The following UTF1 variants were observed in gnomAD, a reference collection of about 807,000 sequenced individuals.
UTF1 encodes undifferentiated embryonic cell transcription factor 1.
Under a neutral mutation model 11.8 loss-of-function variants are expected in UTF1, and 8 were observed. The observed-to-expected ratio is 0.68, with a 90% confidence interval of 0.40 to 1.23. UTF1 has a LOEUF of 1.23. Ranked by LOEUF, UTF1 falls within the 50% of genes most tolerant of loss-of-function variation. UTF1 has a pLI of 0.01. For synonymous variants in UTF1, 344 were observed against 271.7 expected (o/e 1.27, Z -2.62); for missense variants, 545 against 542.1 (o/e 1.01, Z -0.05).
intron 1 of UTF1, 31 bp from the exon 2 acceptor site, chr10:133,230,936 A>C (rs1431818948): frequency 7.7e-7 from 1 of 1,293,132 alleles, no homozygotes; most frequent in East Asian, 3.2e-5. Context: ...CCCCGCGAAA[A>C]TCCGCCCGAC....
rs1845800679 is a variant in UTF1, at chr10:133,231,543, G to C, written c.*101G>C. 6 of 1,037,170 alleles carry C rather than the reference G, an allele frequency of 5.8e-6. No individual in the cohort carries two copies. In the South Asian group the frequency reaches 1.1e-4, roughly 19 times the overall value. 64.2% of individuals were successfully genotyped at this position (1,037,170 alleles called of 1,614,324 possible). On this transcript the variant is annotated 3_prime_UTR_variant, in exon 2 of 2. Transcript: ENST00000304477. ...CCGTTCTTGGGTATGTTCAATAAAA[G>C]GATTGTTTTCCTAGAGTCCGGGCTG...
Position 133,230,551 on chromosome 10 carries a change from G to C in UTF1, c.263G>C (p.Arg88Pro). 1.4e-6 allele frequency: 2 copies of C among 1,427,552 alleles called. No individual in the cohort carries two copies. Among genetic ancestry groups the C allele is most frequent in the Non-Finnish European group, 1.8e-6 (2 of 1,093,212 alleles). 88.4% of individuals were successfully genotyped at this position (1,427,552 alleles called of 1,614,324 possible). A position where few individuals can be genotyped will look rare whatever the true frequency, so the allele number is the denominator to read the frequency against. The change falls in exon 1 of 2, where the codon CGC becomes CCC. Residue 88 changes from arginine to proline, a missense_variant. Physicochemically the swap from Arg to Pro is moderately radical, Grantham distance 103. Around this residue, in one of 3 missense-constraint regions of UTF1, gnomAD observed 129 missense variants for 148.5 expected, o/e 0.87. Coordinates refer to ENST00000304477, the MANE Select transcript of UTF1 (RefSeq NM_003577.3). ...PAVWRALLLD[R>P]RQALPTYRRV... Reference sequence around the variant, plus strand: ...GTGTGGCGCGCGCTGCTCCTGGACCGCCGCCAGGCCCTGCCCACCTACCGC... The same window carrying C: ...GTGTGGCGCGCGCTGCTCCTGGACCCCCGCCAGGCCCTGCCCACCTACCGC...
Position 133,230,303 on chromosome 10 carries a change from C to T in UTF1, c.15C>T (p.Pro5=), listed in dbSNP as rs1397127554. MLLR[P]RRPPPLAPPA... is the part of the protein sequence containing the mutation. ...CCAGCCCCGGGATGCTGCTCCGGCC[C>T]CGCAGGCCGCCCCCGCTCGCGCCCC... Residue 5 remains proline (P), a synonymous_variant, in exon 1 of 2, where the codon CCC becomes CCT. Transcript: ENST00000304477. 11 of 1,073,192 alleles carry T rather than the reference C, an allele frequency of 1.0e-5. No homozygotes were observed. Among genetic ancestry groups the T allele is most frequent in the Non-Finnish European group, 1.2e-5 (11 of 889,226 alleles). The allele number at this position is 1,073,192 out of a possible 1,614,324, so 66.5% of individuals were successfully genotyped here.
At position 133,230,271 on chromosome 10, in the gene UTF1, C is replaced by G. The variant is rs1198150852; in HGVS notation, c.-18C>G. 1 of 1,046,794 alleles carries G rather than the reference C, an allele frequency of 9.6e-7. No homozygotes were observed. The highest frequency in any genetic ancestry group is 1.1e-6 in the Non-Finnish European group (1 of 871,684). The allele number at this position is 1,046,794 out of a possible 1,614,324, so 64.8% of individuals were successfully genotyped here. On this transcript the variant is annotated 5_prime_UTR_variant, in exon 1 of 2. Coordinates refer to ENST00000304477, the MANE Select transcript of UTF1 (RefSeq NM_003577.3). The stretch of plus-strand genomic sequence containing the variant: ...CTGGCCCTCTCCCCATCCTCGCGCG[C>G]CGCGCCCCAGCCCCGGGATGCTGCT...
Position 133,231,478 on chromosome 10 carries a change from A to C in UTF1, c.*36A>C. The C allele has an allele frequency of 7.2e-7, 1 of 1,395,366 alleles. No homozygotes were observed. Among genetic ancestry groups the C allele is most frequent in the Non-Finnish European group, 9.3e-7 (1 of 1,070,066 alleles). 86.4% of individuals were successfully genotyped at this position (1,395,366 alleles called of 1,614,324 possible). ...CGGCCAGTCTCCCCTCTCCAGGCCG[A>C]GGCCCCTCCGCCCTGACCCCTCCTG... is the stretch of plus-strand genomic sequence containing the variant. On this transcript the variant is annotated 3_prime_UTR_variant, in exon 2 of 2. Coordinates refer to ENST00000304477, the MANE Select transcript of UTF1 (RefSeq NM_003577.3).
chr10:133,231,407 G>C lies in UTF1; in HGVS notation c.991G>C (p.Ala331Pro), dbSNP rs1458552808. ...AVGFILGSAA[A>P]ERGVLRDPCQ ...GGGCTTCATTCTGGGCAGCGCGGCC[G>C]CCGAGCGAGGGGTCCTCAGGGACCC... Residue 331 changes from alanine to proline, a missense_variant, in exon 2 of 2, where the codon GCC becomes CCC. By Grantham distance (27) the Ala-to-Pro change is conservative. This residue lies in a region of UTF1 where 394 missense variants were observed against 341.5 expected (regional missense o/e 1.15). Coordinates refer to ENST00000304477, the MANE Select transcript of UTF1 (RefSeq NM_003577.3). 1.9e-6 allele frequency: 3 copies of C among 1,544,728 alleles called. No homozygotes were observed. Among genetic ancestry groups the C allele is most frequent in the African/African-American group, 1.4e-5 (1 of 72,294 alleles).
Position 133,231,253 on chromosome 10 carries a change from G to A in UTF1, c.837G>A (p.Leu279=). Residue 279 remains leucine, a synonymous_variant, in exon 2 of 2, where the codon CTG becomes CTA. Coordinates refer to ENST00000304477, the MANE Select transcript of UTF1 (RefSeq NM_003577.3). The stretch of plus-strand genomic sequence containing the variant: ...CGCCCCCGTCGCTGAACACCGCCCT[G>A]CTGCAGACCCTGGGGCACCTGGGCG... ...PAAPPSLNTA[L]LQTLGHLGDI... 1.9e-6 allele frequency: 3 copies of A among 1,571,980 alleles called. No homozygotes were observed. The highest frequency in any genetic ancestry group is 2.6e-6 in the Non-Finnish European group (3 of 1,164,102).
In UTF1 at chr10:133,231,325, G is replaced by A. The variant is rs1845797183; in HGVS notation, c.909G>A (p.Leu303=). The part of the protein sequence containing the change: ...LGPLRDQLLT[L]NQHVEQLRGA... ...CGCTGCGCGACCAGCTGCTGACCTTGAACCAGCACGTGGAGCAGCTGCGCG... is the reference window on the plus strand; with the variant it reads ...CGCTGCGCGACCAGCTGCTGACCTTAAACCAGCACGTGGAGCAGCTGCGCG... Residue 303 remains leucine (L), a synonymous_variant, in exon 2 of 2, where the codon TTG becomes TTA. Transcript: ENST00000304477. 3.1e-6 allele frequency: 5 copies of A among 1,598,598 alleles called. No homozygotes were observed. The highest frequency in any genetic ancestry group is 3.4e-5 in the Admixed American group (2 of 59,062).
Position 133,230,715 on chromosome 10 carries a change from C to G in UTF1, c.427C>G (p.Leu143Val). 2 of 1,462,082 alleles carry G rather than the reference C, an allele frequency of 1.4e-6. 1 individual carries two copies. The allele number at this position is 1,462,082 out of a possible 1,614,324, so 90.6% of individuals were successfully genotyped here. ...PGPFDEQIRKLMGLLGDNGRK... is the reference protein window; with the variant it reads ...PGPFDEQIRKVMGLLGDNGRK... The stretch of plus-strand genomic sequence containing the variant: ...GCCCTTCGACGAGCAGATCCGGAAG[C>G]TCATGGGGCTGCTGGGCGACAACGG... The change falls in exon 1 of 2, where the codon CTC (leucine) becomes GTC (valine). Residue 143 changes from leucine (L) to valine (V), a missense_variant. Coordinates refer to ENST00000304477, the MANE Select transcript of UTF1 (RefSeq NM_003577.3).
In UTF1 at chr10:133,230,425, T is replaced by TG; in HGVS notation, c.142dup (p.Glu48GlyfsTer75). The TG allele has an allele frequency of 1.5e-6, 2 of 1,373,376 alleles. No homozygotes were observed. Among genetic ancestry groups the TG allele is most frequent in the Non-Finnish European group, 9.4e-7 (1 of 1,060,464 alleles). 85.1% of individuals were successfully genotyped at this position (1,373,376 alleles called of 1,614,324 possible). ...CGGAGGCCCGCCTCGCCCAGCGCGC[T>TG]GGGGGAACTCGGGTTGCCGGTGTCC... is the stretch of plus-strand genomic sequence containing the variant. On this transcript the variant is annotated frameshift_variant, in exon 1 of 2. Transcript: ENST00000304477. LOFTEE classifies it high-confidence loss of function.
At position 133,231,305 on chromosome 10, in the gene UTF1, C is replaced by T. The variant is rs767484544; in HGVS notation, c.889C>T (p.Arg297Cys). 4.4e-6 allele frequency: 7 copies of T among 1,596,752 alleles called. No individual in the cohort carries two copies. The South Asian group carries it at 5.6e-5, about 13-fold the overall frequency. ...GDIANILGPLRDQLLTLNQHV... is the reference protein window; with the variant it reads ...GDIANILGPLCDQLLTLNQHV... Reference sequence around the variant, plus strand: ...CATCGCGAACATCCTGGGCCCGCTGCGCGACCAGCTGCTGACCTTGAACCA... The same window carrying T: ...CATCGCGAACATCCTGGGCCCGCTGTGCGACCAGCTGCTGACCTTGAACCA... Residue 297 changes from arginine to cysteine, a missense_variant, in exon 2 of 2, where the codon CGC (arginine) becomes TGC (cysteine). Around this residue, in one of 3 missense-constraint regions of UTF1, gnomAD observed 394 missense variants for 341.5 expected, o/e 1.15. Transcript: ENST00000304477.
At position 133,230,231 on chromosome 10, in the gene UTF1, C is replaced by A; in HGVS notation, c.-58C>A. The stretch of plus-strand genomic sequence containing the variant: ...GCGGGATGCTCAGAACGCGTGTGGG[C>A]GGCCCGGGCGGCGTCTGGCCCTCTC... On this transcript the variant is annotated 5_prime_UTR_variant, in exon 1 of 2. Coordinates refer to ENST00000304477, the MANE Select transcript of UTF1 (RefSeq NM_003577.3). The A allele has an allele frequency of 9.8e-7, 1 of 1,024,910 alleles. No homozygotes were observed. The highest frequency in any genetic ancestry group is 1.2e-6 in the Non-Finnish European group (1 of 857,316). 63.5% of individuals were successfully genotyped at this position (1,024,910 alleles called of 1,614,324 possible).
rs1234613196 is a variant in UTF1 at position 133,230,733 on chromosome 10, G to A, written c.445G>A (p.Asp149Asn). The change falls in exon 1 of 2, where the codon GAC (aspartate) becomes AAC (asparagine). Residue 149 changes from aspartate (D) to asparagine (N), a missense_variant. Coordinates refer to ENST00000304477, the MANE Select transcript of UTF1 (RefSeq NM_003577.3). ...QIRKLMGLLG[D>N]NGRKRPRRRS... The stretch of plus-strand genomic sequence containing the variant: ...CCGGAAGCTCATGGGGCTGCTGGGC[G>A]ACAACGGGCGCAAACGGCCTCGCCG... 2.8e-6 allele frequency: 4 copies of A among 1,433,806 alleles called. No individual in the cohort carries two copies. Among genetic ancestry groups the A allele is most frequent in the Admixed American group, 5.3e-5 (2 of 37,954 alleles). The allele number at this position is 1,433,806 out of a possible 1,614,324, so 88.8% of individuals were successfully genotyped here.
At position 133,230,491 on chromosome 10, in the gene UTF1, C is replaced by T; in HGVS notation, c.203C>T (p.Thr68Met). The change falls in exon 1 of 2, where the codon ACG becomes ATG. Residue 68 changes from threonine (T) to methionine (M), a missense_variant. Thr to Met is a moderately conservative substitution (Grantham distance 81). Coordinates refer to ENST00000304477, the MANE Select transcript of UTF1 (RefSeq NM_003577.3). ...CGCACGCCCTGGAGCGCCCGGGAGA[C>T]GGAGCTGCTGCTGGGGACGCTGCTG... Reference protein sequence around the residue: ...AQRTPWSARETELLLGTLLQP... With the variant: ...AQRTPWSAREMELLLGTLLQP... The T allele has an allele frequency of 6.9e-7, 1 of 1,442,102 alleles. No homozygotes were observed. Among genetic ancestry groups the T allele is most frequent in the Middle Eastern group, 2.5e-4 (1 of 4,054 alleles). 89.3% of individuals were successfully genotyped at this position (1,442,102 alleles called of 1,614,324 possible). A position where few individuals can be genotyped will look rare whatever the true frequency, so the allele number is the denominator to read the frequency against.
At position 133,231,313 on chromosome 10, in the gene UTF1, G is replaced by C. The variant is rs758544972; in HGVS notation, c.897G>C (p.Gln299His). The C allele has an allele frequency of 7.5e-6, 12 of 1,598,106 alleles. No homozygotes were observed. Among genetic ancestry groups the C allele is most frequent in the Admixed American group, 1.7e-5 (1 of 58,948 alleles). ...IANILGPLRD[Q>H]LLTLNQHVEQ... ...ACATCCTGGGCCCGCTGCGCGACCA[G>C]CTGCTGACCTTGAACCAGCACGTGG... is the stretch of plus-strand genomic sequence containing the variant. Residue 299 changes from glutamine (Q) to histidine (H), a missense_variant, in exon 2 of 2, where the codon CAG (glutamine) becomes CAC (histidine). Gln to His is a conservative substitution (Grantham distance 24). Around this residue, in one of 3 missense-constraint regions of UTF1, gnomAD observed 394 missense variants for 341.5 expected, o/e 1.15. Coordinates refer to ENST00000304477, the MANE Select transcript of UTF1 (RefSeq NM_003577.3).
chr10:133,231,173 G>A lies in UTF1; in HGVS notation c.757G>A (p.Glu253Lys). Residue 253 changes from glutamate to lysine, a missense_variant, in exon 2 of 2, where the codon GAA becomes AAA. Coordinates refer to ENST00000304477, the MANE Select transcript of UTF1 (RefSeq NM_003577.3). ...GTCCCCGCCGCCACCCCCGGCCCGC[G>A]AAGACCCCGACTCGCCGCCCGGCCG... is the stretch of plus-strand genomic sequence containing the variant. Reference protein sequence around the residue: ...PGSPPPPPAREDPDSPPGRPE... With the variant: ...PGSPPPPPARKDPDSPPGRPE... The A allele has an allele frequency of 2.3e-6, 3 of 1,306,884 alleles. No homozygotes were observed. The highest frequency in any genetic ancestry group is 2.9e-6 in the Non-Finnish European group (3 of 1,033,520). 81.0% of individuals were successfully genotyped at this position (1,306,884 alleles called of 1,614,324 possible). A position where few individuals can be genotyped will look rare whatever the true frequency, so the allele number is the denominator to read the frequency against.
At position 133,231,096 on chromosome 10, in the gene UTF1, C is replaced by A; in HGVS notation, c.680C>A (p.Thr227Asn). 7.8e-7 allele frequency: 1 copy of A among 1,283,900 alleles called. No homozygotes were observed. Among genetic ancestry groups the A allele is most frequent in the South Asian group, 2.4e-5 (1 of 41,960 alleles). The allele number at this position is 1,283,900 out of a possible 1,614,324, so 79.5% of individuals were successfully genotyped here. Residue 227 changes from threonine (T) to asparagine (N), a missense_variant, in exon 2 of 2, where the codon ACC becomes AAC. Transcript: ENST00000304477. The part of the protein sequence containing the change: ...APGSPPAPAP[T>N]ALATCIPEDR... ...GGCTCCCCGCCAGCTCCCGCCCCGA[C>A]CGCCCTCGCCACCTGCATCCCCGAG...
chr10:133,230,636 C>T lies in UTF1; in HGVS notation c.348C>T (p.Arg116=). The T allele has an allele frequency of 3.4e-6, 5 of 1,468,322 alleles. No individual in the cohort carries two copies. The highest frequency in any genetic ancestry group is 2.6e-5 in the South Asian group (2 of 76,568). The allele number at this position is 1,468,322 out of a possible 1,614,324, so 91.0% of individuals were successfully genotyped here. ...QVRRTPAQCR[R]RYKFLKDKFR... is the part of the protein sequence containing the mutation. ...GCCGCACCCCCGCGCAGTGCCGCCG[C>T]CGCTACAAGTTCCTTAAAGACAAGT... Residue 116 remains arginine (R), a synonymous_variant, in exon 1 of 2, where the codon CGC becomes CGT. Coordinates refer to ENST00000304477, the MANE Select transcript of UTF1 (RefSeq NM_003577.3).
In UTF1 at chr10:133,231,272, C is replaced by G. The variant is rs748272152; in HGVS notation, c.856C>G (p.Leu286Val). ...NTALLQTLGH[L>V]GDIANILGPL... ...CGCCCTGCTGCAGACCCTGGGGCAC[C>G]TGGGCGACATCGCGAACATCCTGGG... The change falls in exon 2 of 2, where the codon CTG (leucine) becomes GTG (valine). Residue 286 changes from leucine (L) to valine (V), a missense_variant. Around this residue, in one of 3 missense-constraint regions of UTF1, gnomAD observed 394 missense variants for 341.5 expected, o/e 1.15. Coordinates refer to ENST00000304477, the MANE Select transcript of UTF1 (RefSeq NM_003577.3). 6.3e-7 allele frequency: 1 copy of G among 1,587,776 alleles called. No individual in the cohort carries two copies. The highest frequency in any genetic ancestry group is 8.5e-7 in the Non-Finnish European group (1 of 1,171,260).
Sources: gnomAD v4.1 joint callset for allele counts on GRCh38, gnomAD v4.1.1 for gene constraint, gnomAD v4.1.1 regional missense constraint, MANE v1.5 for transcripts, NCBI Gene and HGNC (gene_info 2026-07-23, HGNC 2026-07-21) for gene names.